RSPH10B2: variants seen among roughly 807,000 people sequenced by gnomAD.
RSPH10B2 encodes the protein radial spoke head 10 homolog B2.
Under a neutral mutation model 49.0 loss-of-function variants are expected in RSPH10B2, and 9 were observed. That is an observed-to-expected ratio of 0.18 (90% CI 0.11 to 0.32). The LOEUF is 0.32. RSPH10B2 is among the 10% of genes least tolerant of loss of function. The pLI is 1.00. For synonymous variants in RSPH10B2, 35 were observed against 210.2 expected, an observed-to-expected ratio of 0.17 and a Z score of 7.21; for missense variants, 95 against 589.9, an observed-to-expected ratio of 0.16 and a Z score of 8.69.
chr7:6,793,063 ATTTTTTT>A lies in RSPH10B2; in HGVS notation c.2233+1084_2233+1090del, dbSNP rs778318872. Among the ~76,000 whole-genome samples the A allele has an allele frequency of 2.3e-4, 15 of 64,806 alleles. 3 individuals are homozygous for A. Among genetic ancestry groups the A allele is most frequent in the Middle Eastern group, 0.013 (1 of 80 alleles). The allele number at this position is 64,806 out of a possible 152,430, so 42.5% of individuals were successfully genotyped here. A position where few individuals can be genotyped will look rare whatever the true frequency, so the allele number is the denominator to read the frequency against. Reference sequence around the variant, plus strand: ...GGTGTGAGCCCACCCGCCCCTGGGCATTTTTTTTTTTTTTTTTTTTTTTTAAAGAGGT... The same window carrying A: ...GGTGTGAGCCCACCCGCCCCTGGGCATTTTTTTTTTTTTTTTTAAAGAGGT... On this transcript the variant is annotated intron_variant, in intron 17 of 18. Transcript: ENST00000297186.
intron 11 of RSPH10B2, among the ~76,000 whole-genome samples, chr7:6,779,974 A>ATTTTTTTTTTTT (rs769877980): frequency 9.1e-6 from 1 of 110,070 alleles, no homozygotes; most frequent in Non-Finnish European, 1.9e-5. Flanking sequence ...TGCCTGGCTA[A>ATTTTTTTTTTTT]TTTTTTTTTT....
chr7:6,768,222 TA>T (rs1373017050), intron 6 of RSPH10B2, among the ~76,000 whole-genome samples: 1 of 152,272 alleles, frequency 6.6e-6, no homozygotes, highest in Non-Finnish European at 1.5e-5. Context: ...CCCCAACATT[TA>T]AAATAACAAT....
At position 6,796,032 on chromosome 7, in the gene RSPH10B2, A is replaced by AG. The variant is rs1322194036; in HGVS notation, c.2234-535dup. On this transcript the variant is annotated intron_variant, in intron 17 of 18. Coordinates refer to ENST00000297186, the Ensembl canonical transcript of RSPH10B2. ...CCCAAATTCTTAAGATAGAAAAAAAAGAGGTGGCTGGGCACAGTGGCTCAT... is the reference window on the plus strand; with the variant it reads ...CCCAAATTCTTAAGATAGAAAAAAAAGGAGGTGGCTGGGCACAGTGGCTCAT... 2.1e-5 allele frequency among the ~76,000 whole-genome samples: 3 copies of AG among 145,042 alleles called. No individual in the cohort carries two copies. The East Asian group carries it at 5.9e-4, about 29-fold the overall frequency.
Position 6,796,579 on chromosome 7 carries a change from A to G in RSPH10B2, c.2245A>G (p.Arg749Gly). The G allele has an allele frequency of 7.5e-6, 9 of 1,199,936 alleles. 3 individuals carry two copies. The highest frequency in any genetic ancestry group is 9.9e-6 in the Non-Finnish European group (9 of 911,028). 74.3% of individuals were successfully genotyped at this position (1,199,936 alleles called of 1,614,324 possible). A position where few individuals can be genotyped will look rare whatever the true frequency, so the allele number is the denominator to read the frequency against. Residue 749 changes from arginine to glycine, a missense_variant, in exon 18 of 19, where the codon AGA becomes GGA. Transcript: ENST00000297186. ...AAACTCTATTCCAGAGAAATATGAGAGACCCAAGGATGATCGAGAGGAAGA... is the reference window on the plus strand; with the variant it reads ...AAACTCTATTCCAGAGAAATATGAGGGACCCAAGGATGATCGAGAGGAAGA...
At chr7:6,797,906 A>G (rs1485519903) in intron 18 of RSPH10B2, among the ~76,000 whole-genome samples, 1 of 97,560 alleles carries the variant, frequency 1.0e-5, no homozygotes, top group Non-Finnish European at 2.0e-5. Context: ...TGGGAGGCCA[A>G]GGTGGGTGGA....
At chr7:6,756,064 C>T (rs371103790), upstream of RSPH10B2, among the ~76,000 whole-genome samples, 4,007 of 138,538 alleles carry the variant, frequency 0.029, 97 homozygotes, top group African/African-American at 0.059. Context: ...GTCAGGAGAT[C>T]GAGACCATCC....
At chr7:6,782,363 TAGTG>T in intron 13 of RSPH10B2, among the ~76,000 whole-genome samples, 1 of 127,514 alleles carries the variant, frequency 7.8e-6, no homozygotes, top group Admixed American at 8.1e-5. Flanking sequence ...CTGGGCAACA[TAGTG>T]AGATCCCCCT....
intron 4 of RSPH10B2, among the ~76,000 whole-genome samples, chr7:6,764,708 T>G (rs1282042698): frequency 6.8e-6 from 1 of 147,510 alleles, no homozygotes; most frequent in African/African-American, 2.5e-5. Context: ...GTTGTTGTTG[T>G]TGTGTGTGTG....
intron 6 of RSPH10B2, 146 bp downstream of exon 8, chr7:6,767,023 G>C (rs1350522227): frequency 2.7e-6 from 1 of 371,334 alleles, no homozygotes; most frequent in African/African-American, 2.6e-5. Context: ...GGAGTGCACT[G>C]GCGCAATCTT....
At chr7:6,785,148 T>TTC (rs1331009399) in intron 13 of RSPH10B2, among the ~76,000 whole-genome samples, 1 of 30,022 alleles carries the variant, frequency 3.3e-5, no homozygotes, top group African/African-American at 1.4e-4. Context: ...AATACGTGTG[T>TTC]GTGTGTGTGT....
chr7:6,796,447 A>C (rs866488280), intron 17 of RSPH10B2, 121 bp from the exon 20 acceptor site: 55,331 of 641,420 alleles, frequency 0.086, 15,053 homozygotes, highest in South Asian at 0.35. Flanking sequence ...TACTCCTCTC[A>C]CTTCTCCTGG....
At chr7:6,797,618 T>TG (rs1782644095) in intron 18 of RSPH10B2, among the ~76,000 whole-genome samples, 2 of 152,296 alleles carry the variant, frequency 1.3e-5, no homozygotes, top group African/African-American at 2.4e-5. Flanking sequence ...CCCAGCATTT[T>TG]GGGGGGCCAA....
At chr7:6,764,685 T>A (rs1275464227) in intron 4 of RSPH10B2, among the ~76,000 whole-genome samples, 1 of 151,378 alleles carries the variant, frequency 6.6e-6, no homozygotes, top group Non-Finnish European at 1.5e-5. Flanking sequence ...TAATAGGCTA[T>A]TTATTGAGTT....
chr7:6,768,768 T>G lies in RSPH10B2; in HGVS notation c.957+2T>G. On this transcript the variant is annotated splice_donor_variant, in intron 7 of 18. Coordinates refer to ENST00000297186, the Ensembl canonical transcript of RSPH10B2. LOFTEE classifies it high-confidence loss of function. ...GTTTCCAATAAGAAACATGGCATGGTGAGTATAGACCTGGGAGGATCACAT... is the reference window on the plus strand; with the variant it reads ...GTTTCCAATAAGAAACATGGCATGGGGAGTATAGACCTGGGAGGATCACAT... 4.5e-6 allele frequency: 1 copy of G among 223,268 alleles called. No individual in the cohort carries two copies. Among genetic ancestry groups the G allele is most frequent in the Non-Finnish European group, 7.4e-6 (1 of 135,128 alleles). 13.8% of individuals were successfully genotyped at this position (223,268 alleles called of 1,614,324 possible). A position where few individuals can be genotyped will look rare whatever the true frequency, so the allele number is the denominator to read the frequency against.
chr7:6,793,024 G>T lies in RSPH10B2; in HGVS notation c.2233+1027G>T, dbSNP rs1782403050. Among the ~76,000 whole-genome samples the T allele has an allele frequency of 1.9e-5, 2 of 107,884 alleles. 1 individual carries two copies. The highest frequency in any genetic ancestry group is 3.6e-5 in the Non-Finnish European group (2 of 55,990). The allele number at this position is 107,884 out of a possible 152,430, so 70.8% of individuals were successfully genotyped here. Reference sequence around the variant, plus strand: ...GATCTGCCTGCCTCGGCTTCCTAAAGTTCTGAGATTACAGGTGTGAGCCCA... The same window carrying T: ...GATCTGCCTGCCTCGGCTTCCTAAATTTCTGAGATTACAGGTGTGAGCCCA... On this transcript the variant is annotated intron_variant, in intron 17 of 18. Transcript: ENST00000297186.
chr7:6,770,624 T>C (rs1406425788), intron 7 of RSPH10B2, among the ~76,000 whole-genome samples: 1 of 129,466 alleles, frequency 7.7e-6, no homozygotes, highest in East Asian at 2.1e-4. Context: ...AAAAAAAAAT[T>C]GTGGGGCACG....
exon 5 of RSPH10B2, chr7:6,765,789 A>G: frequency 6.4e-7 from 1 of 1,574,054 alleles, no homozygotes; most frequent in Non-Finnish European, 8.6e-7. Context: ...GGGGAATAAG[A>G]TGGTAGGTAT....
chr7:6,796,460 G>A lies in RSPH10B2; in HGVS notation c.2234-108G>A. The A allele has an allele frequency of 4.0e-6, 3 of 743,732 alleles. 1 individual carries two copies. Among genetic ancestry groups the A allele is most frequent in the Admixed American group, 6.6e-5 (2 of 30,092 alleles). The allele number at this position is 743,732 out of a possible 1,614,324, so 46.1% of individuals were successfully genotyped here. On this transcript the variant is annotated intron_variant, in intron 17 of 18. Coordinates refer to ENST00000297186, the Ensembl canonical transcript of RSPH10B2. ...CTTACTCCTCTCACTTCTCCTGGCC[G>A]AGGAGAAGGGGGCCCACCCCAGGGA...
At chr7:6,764,324 T>C (rs551481880) in intron 4 of RSPH10B2, among the ~76,000 whole-genome samples, 20 of 149,280 alleles carry the variant, frequency 1.3e-4, no homozygotes, top group East Asian at 1.0e-3. Flanking sequence ...TTTTTGTTTA[T>C]TGAGGCGAAA....
Sources: gnomAD v4.1 joint callset for allele counts (sites outside exome capture counted in the v4.1 genomes callset) on GRCh38, gnomAD v4.1.1 for gene constraint, MANE v1.5 for transcripts, NCBI Gene and HGNC (gene_info 2026-07-23, HGNC 2026-07-21) for gene names.